The following UPF2 variants were observed in gnomAD, a reference collection of about 807,000 sequenced individuals.
UPF2 encodes UPF2 regulator of nonsense mediated mRNA decay.
A neutral mutation model predicts 141.4 loss-of-function variants in UPF2; 17 were observed. That is an observed-to-expected ratio of 0.12 (90% CI 0.08 to 0.18). The LOEUF (loss-of-function observed/expected upper bound fraction) is 0.18. UPF2 is among the 10% of genes least tolerant of loss of function. UPF2 has a pLI of 1.00. For synonymous variants in UPF2, 540 were observed against 498.0 expected, an observed-to-expected ratio of 1.08 and a Z score of -1.12; for missense variants, 1,152 against 1,515.9, an observed-to-expected ratio of 0.76 and a Z score of 3.99.
chr10:11,922,590 C>A, intron 21 of UPF2, among the ~76,000 whole-genome samples: 1 of 152,150 alleles, frequency 6.6e-6, no homozygotes, highest in East Asian at 1.9e-4. Flanking sequence ...ATAGTTATAT[C>A]ACTAGTTATA....
Position 12,014,142 on chromosome 10 carries a change from A to G in UPF2, c.1188T>C (p.His396=), listed in dbSNP as rs1439057539. The G allele has an allele frequency of 7.1e-6, 11 of 1,560,208 alleles. No homozygotes were observed. Among genetic ancestry groups the G allele is most frequent in the Admixed American group, 1.8e-5 (1 of 54,322 alleles). The change falls in exon 4 of 22, where the codon CAT becomes CAC. Residue 396 remains histidine (H), a synonymous_variant. Transcript: ENST00000357604. The surrounding 1 kb of genome is among the most constrained non-coding windows in gnomAD (Gnocchi z 5.0). The stretch of plus-strand genomic sequence containing the variant: ...ACATAGCAAATTCCTCATACTGTTT[A>G]TGTCTATCTTCACTGAGCTCCCCTT... ...HSKGELSEDR[H]KQYEEFAMSY...
chr10:12,038,724 G>A (rs1055645601), intron 1 of UPF2, among the ~76,000 whole-genome samples: 5 of 151,392 alleles, frequency 3.3e-5, no homozygotes, highest in Non-Finnish European at 7.4e-5. Context: ...CGGAGACTCC[G>A]TCTCAAAAAT....
At chr10:11,984,425 C>T (rs879289978) in intron 8 of UPF2, among the ~76,000 whole-genome samples, 3 of 152,058 alleles carry the variant, frequency 2.0e-5, no homozygotes, top group Admixed American at 1.3e-4. Flanking sequence ...TTTCTACACA[C>T]TTCTCTATTT....
In UPF2 at chr10:11,920,889, C is replaced by A. The variant is rs41291277; in HGVS notation, c.*409G>T. ...ACGTGGGATGTTCAATTCAGAGACA[C>A]TGAAACTCAAATCAAGTTTAAAGCT... On this transcript the variant is annotated 3_prime_UTR_variant, in exon 22 of 22. Coordinates refer to ENST00000357604, the MANE Select transcript of UPF2 (RefSeq NM_015542.4). 0.064 allele frequency: 26,258 copies of A among 412,930 alleles called. 1,076 individuals are homozygous for A. The highest frequency in any genetic ancestry group is 0.083 in the Non-Finnish European group (16,826 of 201,622). 25.6% of individuals were successfully genotyped at this position (412,930 alleles called of 1,614,324 possible).
intron 1 of UPF2, among the ~76,000 whole-genome samples, chr10:12,041,744 G>A (rs1834737743): frequency 6.6e-6 from 1 of 152,292 alleles, no homozygotes; most frequent in South Asian, 2.1e-4. Flanking sequence ...TAGTATAAAG[G>A]ACGTATTAAG....
intron 14 of UPF2, among the ~76,000 whole-genome samples, chr10:11,954,945 C>T (rs1052556196): frequency 7.9e-5 from 12 of 151,520 alleles, no homozygotes; most frequent in East Asian, 3.9e-4. Context: ...TTAAATATCA[C>T]GGTCCATAAA....
At chr10:11,977,503 T>C (rs1300753212) in intron 9 of UPF2, among the ~76,000 whole-genome samples, 1 of 152,178 alleles carries the variant, frequency 6.6e-6, no homozygotes, top group African/African-American at 2.4e-5. Flanking sequence ...AGAGAGTACA[T>C]ATAGACAGAA....
At chr10:12,043,084 A>T (rs941707533), upstream of UPF2, 2 of 152,404 alleles carry the variant, frequency 1.3e-5, no homozygotes, top group Admixed American at 6.5e-5. Context: ...TATGAGTGCC[A>T]TTCACTTAAC....
chr10:12,037,775 G>C (rs1343488660), intron 1 of UPF2, among the ~76,000 whole-genome samples: 1 of 151,584 alleles, frequency 6.6e-6, no homozygotes, highest in Non-Finnish European at 1.5e-5. Flanking sequence ...CTTAAAACTA[G>C]GTTACCAAAA....
Position 11,969,632 on chromosome 10 carries a change from T to TAAAG in UPF2, c.1954-2182_1954-2179dup, listed in dbSNP as rs540600735. Among the ~76,000 whole-genome samples, 237 of 152,366 alleles carry TAAAG rather than the reference T, an allele frequency of 1.6e-3. 1 individual carries two copies. The highest frequency in any genetic ancestry group is 5.3e-3 in the African/African-American group (219 of 41,586). On this transcript the variant is annotated intron_variant, in intron 9 of 21. Coordinates refer to ENST00000357604, the MANE Select transcript of UPF2 (RefSeq NM_015542.4). ...AATTTAGAAAGAAGTACAGCCTTCA[T>TAAAG]AAAGAAACTTTCACAAATAAATGTT...
intron 21 of UPF2, among the ~76,000 whole-genome samples, chr10:11,924,364 G>C (rs1397473606): frequency 6.6e-6 from 1 of 152,170 alleles, no homozygotes; most frequent in Non-Finnish European, 1.5e-5. Context: ...GATCACCTGA[G>C]GTCAGGAGTT....
intron 21 of UPF2, among the ~76,000 whole-genome samples, chr10:11,922,960 G>A (rs765356376): frequency 3.9e-5 from 6 of 152,150 alleles, no homozygotes; most frequent in Non-Finnish European, 7.3e-5. Context: ...CTTGAGCCCA[G>A]GAGGTCGAGG....
At chr10:11,951,221 C>T (rs1263120357) in intron 15 of UPF2, among the ~76,000 whole-genome samples, 1 of 152,114 alleles carries the variant, frequency 6.6e-6, no homozygotes, top group Admixed American at 6.6e-5. Context: ...CGCCAACATT[C>T]CTGGATAATT....
chr10:11,944,397 G>A (rs1375488455), intron 16 of UPF2, among the ~76,000 whole-genome samples: 3 of 152,122 alleles, frequency 2.0e-5, no homozygotes. Context: ...AGGAGTCTGA[G>A]GCAGGAGAAT....
chr10:12,037,312 G>A (rs1834647668), intron 1 of UPF2, among the ~76,000 whole-genome samples: 1 of 151,756 alleles, frequency 6.6e-6, no homozygotes, highest in Non-Finnish European at 1.5e-5. Context: ...GAAATCCTGA[G>A]TTTAAGTGAT....
At position 11,952,117 on chromosome 10, in the gene UPF2, C is replaced by T; in HGVS notation, c.2983G>A (p.Glu995Lys). The T allele has an allele frequency of 1.9e-6, 3 of 1,614,074 alleles. No individual in the cohort carries two copies. Among genetic ancestry groups the T allele is most frequent in the Non-Finnish European group, 2.5e-6 (3 of 1,179,972 alleles). The change falls in exon 15 of 22, where the codon GAA becomes AAA. Residue 995 changes from glutamate (E) to lysine (K), a missense_variant. Transcript: ENST00000357604. ...AAGTCTTGTACCTGCCTGATGGATT[C>T]TTCCAGAGAATTACAGAGTTTGATC... Reference protein sequence around the residue: ...PKIKLCNSLEESIRQVQDLER... With the variant: ...PKIKLCNSLEKSIRQVQDLER...
intron 1 of UPF2, among the ~76,000 whole-genome samples, chr10:12,038,201 G>A (rs1051347178): frequency 6.6e-6 from 1 of 152,112 alleles, no homozygotes. Context: ...TGGCCAACAT[G>A]GTGAAACCCC....
At chr10:11,984,256 C>T (rs530537852) in intron 8 of UPF2, among the ~76,000 whole-genome samples, 8 of 152,208 alleles carry the variant, frequency 5.3e-5, no homozygotes, top group Non-Finnish European at 7.4e-5. Flanking sequence ...CCATGATTAC[C>T]GTTCTATGTG....
intron 6 of UPF2, among the ~76,000 whole-genome samples, chr10:12,001,136 C>A (rs926354973): frequency 2.0e-5 from 3 of 152,050 alleles, no homozygotes; most frequent in African/African-American, 4.8e-5. Context: ...TATTTAGGGC[C>A]GGGTGCGGTG....
Sources: allele counts gnomAD v4.1 joint callset (sites outside exome capture counted in the v4.1 genomes callset), GRCh38; gene constraint gnomAD v4.1.1; non-coding constraint Gnocchi (gnomAD v3.1); transcripts MANE v1.5; gene names NCBI Gene and HGNC (gene_info 2026-07-23, HGNC 2026-07-21).